The following KIF1A variants were observed in gnomAD, a reference collection of about 807,000 sequenced individuals.
KIF1A encodes kinesin-like protein KIF1A.
Under a neutral mutation model 227.3 loss-of-function variants are expected in KIF1A, and 46 were observed. That is an observed-to-expected ratio of 0.20 (90% CI 0.16 to 0.26). The LOEUF is 0.26. Ranked by LOEUF, KIF1A falls within the 10% of genes least tolerant of loss-of-function variation. The probability of loss-of-function intolerance (pLI) is 1.00; values close to 1 mark genes in which losing one functional copy is unlikely to be tolerated. For synonymous variants in KIF1A, 1,022 were observed against 1,012.8 expected, an observed-to-expected ratio of 1.01 and a Z score of -0.17; for missense variants, 1,683 against 2,485.9, an observed-to-expected ratio of 0.68 and a Z score of 6.87.
Position 240,778,279 on chromosome 2 carries a change from C to T in KIF1A, c.883-2353G>A, listed in dbSNP as rs1472748559. Among the ~76,000 whole-genome samples the T allele has an allele frequency of 1.3e-5, 2 of 152,166 alleles. No homozygotes were observed. Among genetic ancestry groups the T allele is most frequent in the East Asian group, 1.9e-4 (1 of 5,184 alleles). The stretch of plus-strand genomic sequence containing the variant: ...GTGGAGTTCTTTACACAGTTCCACG[C>T]GATCCTCACCTAGGTCTCTACATAG... On this transcript the variant is annotated intron_variant, in intron 10 of 48. Coordinates refer to ENST00000498729, the MANE Select transcript of KIF1A (RefSeq NM_001244008.2). This position sits in a 1 kb window ranked among gnomAD's most constrained non-coding sequence, Gnocchi z 7.2.
intron 27 of KIF1A, among the ~76,000 whole-genome samples, chr2:240,755,297 C>G (rs1217395397): frequency 2.0e-5 from 3 of 152,212 alleles, no homozygotes; most frequent in South Asian, 2.1e-4. Context: ...AGACTGAAAC[C>G]CAGCCCAAGA....
intron 28 of KIF1A, among the ~76,000 whole-genome samples, chr2:240,749,720 A>G (rs573147855): frequency 7.0e-6 from 1 of 142,154 alleles, no homozygotes; most frequent in South Asian, 2.3e-4. Context: ...TCCCGTTTAC[A>G]TGTGAGCAAA....
Position 240,763,101 on chromosome 2 carries a change from G to A in KIF1A, c.1950-10C>T, listed in dbSNP as rs1559508044. On this transcript the variant is annotated splice_polypyrimidine_tract_variant and intron_variant, in intron 21 of 48. Transcript: ENST00000498729. Reference sequence around the variant, plus strand: ...CTCCAGTTCCTGGAGCCTGCAAGGGGGCATTGGGGTGAGCACGGGAGGGCA... The same window carrying A: ...CTCCAGTTCCTGGAGCCTGCAAGGGAGCATTGGGGTGAGCACGGGAGGGCA... 1 of 1,592,096 alleles carries A rather than the reference G, an allele frequency of 6.3e-7. No homozygotes were observed. The highest frequency in any genetic ancestry group is 8.5e-7 in the Non-Finnish European group (1 of 1,171,196).
chr2:240,735,494 C>T (rs373825990), intron 38 of KIF1A, among the ~76,000 whole-genome samples: 5 of 152,168 alleles, frequency 3.3e-5, no homozygotes, highest in Non-Finnish European at 7.4e-5. Flanking sequence ...GGGGCTGGAG[C>T]CCCTGCCCAC....
chr2:240,772,933 G>A (rs558106300), intron 13 of KIF1A, among the ~76,000 whole-genome samples, 181 bp downstream of exon 13: 52 of 152,338 alleles, frequency 3.4e-4, no homozygotes, highest in African/African-American at 1.2e-3. Context: ...TTTCTGCCCA[G>A]GAACGTGGAG....
intron 2 of KIF1A, among the ~76,000 whole-genome samples, chr2:240,796,089 G>A (rs754320006): frequency 6.6e-5 from 10 of 152,152 alleles, no homozygotes; most frequent in Non-Finnish European, 1.2e-4. Flanking sequence ...CTGTTGGAGC[G>A]TGGAACAGGC....
In KIF1A at chr2:240,793,916, T is replaced by C. The variant is rs1864871; in HGVS notation, c.106+3731A>G. Among the ~76,000 whole-genome samples the C allele has an allele frequency of 0.046, 6,951 of 152,078 alleles. 484 individuals are homozygous for C. The highest frequency in any genetic ancestry group is 0.15 in the African/African-American group (6,350 of 41,470). On this transcript the variant is annotated intron_variant, in intron 2 of 48. Coordinates refer to ENST00000498729, the MANE Select transcript of KIF1A (RefSeq NM_001244008.2). This position sits in a 1 kb window ranked among gnomAD's most constrained non-coding sequence, Gnocchi z 4.8. The stretch of plus-strand genomic sequence containing the variant: ...ACATCCTCTGAGGGGCCCCGCACAG[T>C]CCCCGCCATCTTCCGAGGGGCCTGG...
At position 240,809,651 on chromosome 2, in the gene KIF1A, C is replaced by T. The variant is rs527489559; in HGVS notation, c.-61+10471G>A. Among the ~76,000 whole-genome samples the T allele has an allele frequency of 1.5e-4, 22 of 151,710 alleles. No homozygotes were observed. In the East Asian group the frequency reaches 3.9e-3, roughly 27 times the overall value. ...AATAAAGAAGAGTTATATCTTCACGCTACCCCTAGGGAAGGAATTTTTTTT... is the reference window on the plus strand; with the variant it reads ...AATAAAGAAGAGTTATATCTTCACGTTACCCCTAGGGAAGGAATTTTTTTT... On this transcript the variant is annotated intron_variant, in intron 1 of 48. Coordinates refer to ENST00000498729, the MANE Select transcript of KIF1A (RefSeq NM_001244008.2).
In KIF1A at chr2:240,783,126, C is replaced by T. The variant is rs764585237; in HGVS notation, c.799-17G>A. On this transcript the variant is annotated splice_polypyrimidine_tract_variant and intron_variant, in intron 8 of 48. Transcript: ENST00000498729. ...GGCCCCCTCCTGCGGGCAGAAAAGACAGTGGGGTTGGGATGCTGGGGACCC... is the reference window on the plus strand; with the variant it reads ...GGCCCCCTCCTGCGGGCAGAAAAGATAGTGGGGTTGGGATGCTGGGGACCC... 3.1e-6 allele frequency: 5 copies of T among 1,610,662 alleles called. No homozygotes were observed. In the South Asian group the frequency reaches 4.4e-5, roughly 14 times the overall value.
rs549513236 is a variant in KIF1A at position 240,742,311 on chromosome 2, CCTCCTT to C, written c.3640+612_3640+617del. Among the ~76,000 whole-genome samples, 98 of 152,306 alleles carry C rather than the reference CCTCCTT, an allele frequency of 6.4e-4. No homozygotes were observed. The South Asian group carries it at 0.019, about 30-fold the overall frequency. On this transcript the variant is annotated intron_variant, in intron 34 of 48. Coordinates refer to ENST00000498729, the MANE Select transcript of KIF1A (RefSeq NM_001244008.2). Reference sequence around the variant, plus strand: ...GGTGCTGGTGCCCGGGACCACACTCCCTCCTTCAGGAGGGTTTCTGGGCTATGAGAG... The same window carrying C: ...GGTGCTGGTGCCCGGGACCACACTCCCAGGAGGGTTTCTGGGCTATGAGAG...
At position 240,757,490 on chromosome 2, in the gene KIF1A, T is replaced by A; in HGVS notation, c.2687A>T (p.Asp896Val). 1 of 1,550,242 alleles carries A rather than the reference T, an allele frequency of 6.5e-7. No individual in the cohort carries two copies. Among genetic ancestry groups the A allele is most frequent in the Non-Finnish European group, 8.7e-7 (1 of 1,146,916 alleles). ...CTGCTCCTCGGCAGGCTCGGTGGCG[T>A]CGGAGTCGGGGCTCGAGAAGGTGGG... is the stretch of plus-strand genomic sequence containing the variant. ...PSPTFSSPDS[D>V]ATEPAEEQSV... Residue 896 changes from aspartate (D) to valine (V), a missense_variant, in exon 27 of 49, where the codon GAC (aspartate) becomes GTC (valine). By Grantham distance (152) the Asp-to-Val change is radical (BLOSUM62 -3). Around this residue, in one of 12 missense-constraint regions of KIF1A, gnomAD observed 759 missense variants for 1,020.2 expected, o/e 0.74. Transcript: ENST00000498729. The surrounding 1 kb of genome is among the most constrained non-coding windows in gnomAD (Gnocchi z 6.2).
In KIF1A at chr2:240,736,780, C is replaced by G. The variant is rs1380412056; in HGVS notation, c.4007+283G>C. 6.6e-6 allele frequency among the ~76,000 whole-genome samples: 1 copy of G among 152,240 alleles called. No homozygotes were observed. The highest frequency in any genetic ancestry group is 1.5e-5 in the Non-Finnish European group (1 of 68,050). On this transcript the variant is annotated intron_variant, in intron 38 of 48. Coordinates refer to ENST00000498729, the MANE Select transcript of KIF1A (RefSeq NM_001244008.2). The surrounding 1 kb of genome is among the most constrained non-coding windows in gnomAD (Gnocchi z 4.7). ...CACGCAACCACAAAACTCCCGAGGA[C>G]AGAACTCAGCTCATCTTCCAACCCC...
rs896257615 is a variant in KIF1A, at chr2:240,757,883, G to C, written c.2583-289C>G. On this transcript the variant is annotated intron_variant, in intron 26 of 48. Transcript: ENST00000498729. The surrounding 1 kb of genome is among the most constrained non-coding windows in gnomAD (Gnocchi z 6.2). ...GTGGCTGAGGCCATATGAGGACCTC[G>C]AGAGTTTGGCCACGTTGAGGCCTCA... 2.6e-5 allele frequency among the ~76,000 whole-genome samples: 4 copies of C among 152,208 alleles called. No homozygotes were observed. The highest frequency in any genetic ancestry group is 9.6e-5 in the African/African-American group (4 of 41,462).
chr2:240,807,124 G>GTA (rs1559545403), intron 1 of KIF1A, among the ~76,000 whole-genome samples: 18 of 109,732 alleles, frequency 1.6e-4, no homozygotes, highest in Admixed American at 1.0e-3. Flanking sequence ...GTGTGTGTGT[G>GTA]TGTGTGTATA....
rs561378379 is a variant in KIF1A, at chr2:240,757,714, C to T, written c.2583-120G>A. On this transcript the variant is annotated intron_variant, in intron 26 of 48. Transcript: ENST00000498729. This position sits in a 1 kb window ranked among gnomAD's most constrained non-coding sequence, Gnocchi z 6.2. ...AACCAAAACCAAACACACAGACCAT[C>T]GAGAATGCTGCTTTAAAAGATGAGA... 2.8e-5 allele frequency: 26 copies of T among 919,806 alleles called. No homozygotes were observed. The African/African-American group carries it at 3.5e-4, about 12-fold the overall frequency. 57.0% of individuals were successfully genotyped at this position (919,806 alleles called of 1,614,324 possible).
rs2125575540 is a variant in KIF1A at position 240,719,909 on chromosome 2, G to A, written c.4886C>T (p.Ser1629Phe). ...ATDLRTPQPC[S>F]RPASPEPELL... ...CTCGGGCTCTGGGCTGGCTGGCCGGGAGCAGGGCTGCGGGGTCCTGGGAAG... is the reference window on the plus strand; with the variant it reads ...CTCGGGCTCTGGGCTGGCTGGCCGGAAGCAGGGCTGCGGGGTCCTGGGAAG... Residue 1629 changes from serine (S) to phenylalanine (F), a missense_variant, in exon 46 of 49, where the codon TCC becomes TTC. Physicochemically the swap from Ser to Phe is radical, Grantham distance 155 (BLOSUM62 -2). Coordinates refer to ENST00000498729, the MANE Select transcript of KIF1A (RefSeq NM_001244008.2). 6.2e-7 allele frequency: 1 copy of A among 1,610,506 alleles called. No individual in the cohort carries two copies. Among genetic ancestry groups the A allele is most frequent in the Non-Finnish European group, 8.5e-7 (1 of 1,179,180 alleles).
intron 33 of KIF1A, 27 bp from the exon 34 acceptor site, chr2:240,743,011 G>C (rs1193367037): frequency 2.5e-6 from 4 of 1,584,072 alleles, no homozygotes; most frequent in Non-Finnish European, 2.6e-6. Context: ...AGTGTGAGGT[G>C]TTTGCGGGAC....
At position 240,724,047 on chromosome 2, in the gene KIF1A, TAGA is replaced by T. The variant is rs778412941; in HGVS notation, c.4257-14_4257-12del. The T allele has an allele frequency of 2.5e-5, 40 of 1,611,404 alleles. No individual in the cohort carries two copies. The highest frequency in any genetic ancestry group is 8.8e-5 in the South Asian group (8 of 91,040). ...CCAGTCACACGGTTACTGTGGGGAG[TAGA>T]AGGAGTGACATGCAGTCACCAGGCC... On this transcript the variant is annotated splice_polypyrimidine_tract_variant and intron_variant, in intron 40 of 48. Transcript: ENST00000498729.
rs566024857 is a variant in KIF1A, at chr2:240,734,796, G to A, written c.4007+2267C>T. The A allele has an allele frequency of 6.5e-5, 84 of 1,287,326 alleles. 1 individual carries two copies. The Admixed American group carries it at 1.3e-3, about 19-fold the overall frequency. The allele number at this position is 1,287,326 out of a possible 1,614,324, so 79.7% of individuals were successfully genotyped here. A position where few individuals can be genotyped will look rare whatever the true frequency, so the allele number is the denominator to read the frequency against. ...TTAGTGAGGGCCGGGCAGCGCAGCG[G>A]GAGCGGGGTGGGGGACAGGCAGAGG... On this transcript the variant is annotated intron_variant, in intron 38 of 48. Coordinates refer to ENST00000498729, the MANE Select transcript of KIF1A (RefSeq NM_001244008.2).
Sources: allele counts gnomAD v4.1 joint callset (sites outside exome capture counted in the v4.1 genomes callset), GRCh38; gene constraint gnomAD v4.1.1; regional missense constraint gnomAD v4.1.1; non-coding constraint Gnocchi (gnomAD v3.1); transcripts MANE v1.5; gene names NCBI Gene and HGNC (gene_info 2026-07-23, HGNC 2026-07-21).